Variants in SYNJ1 observed in about 807,000 individuals in gnomAD.
SYNJ1 encodes the protein synaptojanin 1, also known as polyphosphatidylinositol phosphatase SYNJ1.
In SYNJ1, 78 loss-of-function variants were observed where a neutral mutation model predicts 168.2. The observed-to-expected ratio is 0.46, with a 90% CI of 0.39 to 0.56. The LOEUF is 0.56. SYNJ1 is among the 20% of genes least tolerant of loss of function. The probability of loss-of-function intolerance (pLI) is 0.00; values close to 1 mark genes in which losing one functional copy is unlikely to be tolerated. For synonymous variants in SYNJ1, 539 were observed against 548.6 expected (o/e 0.98, Z 0.24); for missense variants, 1,303 against 1,597.6 (o/e 0.82, Z 3.14).
intron 22 of SYNJ1, among the ~76,000 whole-genome samples, chr21:32,650,813 A>G (rs893037133): frequency 2.0e-5 from 3 of 152,208 alleles, no homozygotes; most frequent in African/African-American, 7.2e-5. Flanking sequence ...AAGAGCTGCT[A>G]TATTGTCAGC....
Position 32,670,347 on chromosome 21 carries a change from T to C in SYNJ1, c.1752A>G (p.Ile584Met), listed in dbSNP as rs1354207401. 1.2e-6 allele frequency: 2 copies of C among 1,613,378 alleles called. No individual in the cohort carries two copies. Among genetic ancestry groups the C allele is most frequent in the Non-Finnish European group, 1.7e-6 (2 of 1,179,774 alleles). ...CCATTTCTTCAAAACCAATTGCAAA[T>C]ATATCAGTTGGCTTACTTCTTTTAT... The part of the protein sequence containing the change: ...FQDKRSKPTD[I>M]FAIGFEEMVE... Residue 584 changes from isoleucine (I) to methionine (M), a missense_variant, in exon 15 of 33, where the codon ATA (isoleucine) becomes ATG (methionine). By Grantham distance (10) the Ile-to-Met change is conservative. Transcript: ENST00000674351.
At position 32,656,633 on chromosome 21, in the gene SYNJ1, A is replaced by G. The variant is rs1295519957; in HGVS notation, c.2795+54T>C. ...CTTCCCCAAATAAGGTGATTTCTATATAGAAATGATTGTTTATGAATCACA... is the reference window on the plus strand; with the variant it reads ...CTTCCCCAAATAAGGTGATTTCTATGTAGAAATGATTGTTTATGAATCACA... On this transcript the variant is annotated intron_variant, in intron 21 of 32. Transcript: ENST00000674351. 3 of 1,462,598 alleles carry G rather than the reference A, an allele frequency of 2.1e-6. No homozygotes were observed. In the African/African-American group the frequency reaches 4.3e-5, roughly 21 times the overall value. The allele number at this position is 1,462,598 out of a possible 1,614,324, so 90.6% of individuals were successfully genotyped here.
chr21:32,687,591 A>G (rs2041878854), intron 7 of SYNJ1, among the ~76,000 whole-genome samples: 1 of 152,240 alleles, frequency 6.6e-6, no homozygotes. Flanking sequence ...CACACCTATA[A>G]TGTTAAATTT....
At position 32,666,479 on chromosome 21, in the gene SYNJ1, C is replaced by T. The variant is rs373820739; in HGVS notation, c.1906G>A (p.Val636Ile). 696 of 1,614,050 alleles carry T rather than the reference C, an allele frequency of 4.3e-4. 14 individuals carry two copies. In the South Asian group the frequency reaches 6.3e-3, roughly 15 times the overall value. ...GGTCTGATAAAAACAAACAAACAGACGCCCACCAACTGTTCAGAAGCCAGC... is the reference window on the plus strand; with the variant it reads ...GGTCTGATAAAAACAAACAAACAGATGCCCACCAACTGTTCAGAAGCCAGC... The part of the protein sequence containing the change: ...VLLASEQLVG[V>I]CLFVFIRPQH... The change falls in exon 16 of 33, where the codon GTC becomes ATC. Residue 636 changes from valine to isoleucine, a missense_variant. Val to Ile is a conservative substitution (Grantham distance 29). Coordinates refer to ENST00000674351, the MANE Select transcript of SYNJ1 (RefSeq NM_203446.3).
At chr21:32,644,902 A>G (rs2039995452) in intron 26 of SYNJ1, 66 bp downstream of exon 26, 3 of 1,521,192 alleles carry the variant, frequency 2.0e-6, no homozygotes, top group East Asian at 2.3e-5. Context: ...CAAATCTAAA[A>G]TGTCTTTCAG....
chr21:32,656,164 G>A lies in SYNJ1; in HGVS notation c.2795+523C>T, dbSNP rs547990948. Among the ~76,000 whole-genome samples the A allele has an allele frequency of 2.0e-3, 306 of 152,322 alleles. 4 individuals carry two copies. The highest frequency in any genetic ancestry group is 6.7e-3 in the African/African-American group (278 of 41,576). On this transcript the variant is annotated intron_variant, in intron 21 of 32. Coordinates refer to ENST00000674351, the MANE Select transcript of SYNJ1 (RefSeq NM_203446.3). ...TTTCACTGTTTAGCTGGGTATGGTG[G>A]CTCACGCCTGTAATCCCAGCACTTT...
At position 32,688,787 on chromosome 21, in the gene SYNJ1, C is replaced by T. The variant is rs1275490771; in HGVS notation, c.790-420G>A. On this transcript the variant is annotated intron_variant, in intron 6 of 32. Transcript: ENST00000674351. ...CTATCTGAGATCAACATAACCAATT[C>T]CAAAAGAGATTCAGATGAGACTTTA... 5.3e-5 allele frequency among the ~76,000 whole-genome samples: 8 copies of T among 152,226 alleles called. No homozygotes were observed. The East Asian group carries it at 1.5e-3, about 29-fold the overall frequency.
intron 6 of SYNJ1, among the ~76,000 whole-genome samples, chr21:32,688,986 T>C (rs2041928134): frequency 6.6e-6 from 1 of 152,230 alleles, no homozygotes. Flanking sequence ...CACCCAATTA[T>C]AGTATTTGCA....
intron 13 of SYNJ1, among the ~76,000 whole-genome samples, chr21:32,674,874 C>T (rs1489923499): frequency 2.0e-5 from 3 of 152,062 alleles, no homozygotes; most frequent in African/African-American, 7.2e-5. Context: ...GTGAAAAAGG[C>T]GAGTGATGTC....
In SYNJ1 at chr21:32,657,873, CTAAAATA is replaced by C; in HGVS notation, c.2305-8_2305-2del. The C allele has an allele frequency of 1.2e-6, 2 of 1,606,880 alleles. No homozygotes were observed. The highest frequency in any genetic ancestry group is 1.7e-6 in the Non-Finnish European group (2 of 1,176,988). On this transcript the variant is annotated splice_acceptor_variant and splice_polypyrimidine_tract_variant and intron_variant, in intron 18 of 32. Transcript: ENST00000674351. LOFTEE classifies it high-confidence loss of function. ...TTCCTTCTAAAAATCCTCTAAAAAC[CTAAAATA>C]AACATATACAAAGTAAGTTATTCCC...
At chr21:32,701,902 C>T in intron 3 of SYNJ1, 59 bp downstream of exon 3, 1 of 1,341,494 alleles carries the variant, frequency 7.5e-7, no homozygotes, top group Non-Finnish European at 1.0e-6. Flanking sequence ...CTCTCAAATC[C>T]TTAGAATTAC....
chr21:32,662,499 C>T (rs889958014), intron 18 of SYNJ1, among the ~76,000 whole-genome samples: 2 of 152,150 alleles, frequency 1.3e-5, no homozygotes, highest in African/African-American at 4.8e-5. Context: ...CCTCTGTGGC[C>T]TCCCAGGTCC....
Position 32,630,822 on chromosome 21 carries a change from T to G in SYNJ1, c.*983A>C, listed in dbSNP as rs2033523955. On this transcript the variant is annotated 3_prime_UTR_variant, in exon 33 of 33. Transcript: ENST00000674351. Reference sequence around the variant, plus strand: ...CTCCAGTTAACAATGAGAAGGGTTTTTCCTTATTTCCAATATACACATAGT... The same window carrying G: ...CTCCAGTTAACAATGAGAAGGGTTTGTCCTTATTTCCAATATACACATAGT... 1 of 616,652 alleles carries G rather than the reference T, an allele frequency of 1.6e-6. No individual in the cohort carries two copies. 38.2% of individuals were successfully genotyped at this position (616,652 alleles called of 1,614,324 possible). A position where few individuals can be genotyped will look rare whatever the true frequency, so the allele number is the denominator to read the frequency against.
chr21:32,677,952 A>G (rs1344312003), intron 12 of SYNJ1, among the ~76,000 whole-genome samples: 2 of 152,182 alleles, frequency 1.3e-5, no homozygotes, highest in African/African-American at 4.8e-5. Context: ...ATTATACCTC[A>G]ATACATTTTA....
At chr21:32,650,029 C>T (rs1247878223) in intron 23 of SYNJ1, among the ~76,000 whole-genome samples, 155 bp downstream of exon 23, 1 of 152,148 alleles carries the variant, frequency 6.6e-6, no homozygotes, top group East Asian at 1.9e-4. Flanking sequence ...TGATTGCAGG[C>T]ATGAGCTGCC....
At position 32,631,680 on chromosome 21, in the gene SYNJ1, G is replaced by T; in HGVS notation, c.*125C>A. 1 of 1,614,216 alleles carries T rather than the reference G, an allele frequency of 6.2e-7. No homozygotes were observed. The highest frequency in any genetic ancestry group is 8.5e-7 in the Non-Finnish European group (1 of 1,180,038). On this transcript the variant is annotated 3_prime_UTR_variant, in exon 33 of 33. Coordinates refer to ENST00000674351, the MANE Select transcript of SYNJ1 (RefSeq NM_203446.3). Reference sequence around the variant, plus strand: ...CCTCTTTGGGTCTGGGGTGGGAACAGGTGACGTTTGAACAGATAGCTGAGC... The same window carrying T: ...CCTCTTTGGGTCTGGGGTGGGAACATGTGACGTTTGAACAGATAGCTGAGC...
intron 2 of SYNJ1, among the ~76,000 whole-genome samples, chr21:32,721,961 G>A (rs1200096161): frequency 3.3e-5 from 5 of 151,668 alleles, no homozygotes; most frequent in Non-Finnish European, 2.9e-5. Context: ...CAAGGCGGGC[G>A]GATCACCTGA....
intron 2 of SYNJ1, among the ~76,000 whole-genome samples, chr21:32,715,685 T>C (rs1235275971): frequency 6.6e-6 from 1 of 152,168 alleles, no homozygotes; most frequent in African/African-American, 2.4e-5. Context: ...CACCTTTATA[T>C]ATAAAAAGTT....
At chr21:32,664,812 T>A (rs891188012) in intron 18 of SYNJ1, 101 bp downstream of exon 18, 27 of 1,051,826 alleles carry the variant, frequency 2.6e-5, no homozygotes, top group Admixed American at 2.4e-5. Context: ...CATATTTAAG[T>A]ACAAAAAGAC....
Sources: allele counts gnomAD v4.1 joint callset (sites outside exome capture counted in the v4.1 genomes callset), GRCh38; gene constraint gnomAD v4.1.1; transcripts MANE v1.5; gene names NCBI Gene and HGNC (gene_info 2026-07-23, HGNC 2026-07-21).